STARD8: variants seen among roughly 807,000 people sequenced by gnomAD.
STARD8 encodes the protein StAR related lipid transfer domain containing 8.
Under a neutral mutation model 69.4 loss-of-function variants are expected in STARD8, and 25 were observed. That is an observed-to-expected ratio of 0.36 (90% confidence interval 0.26 to 0.50). The LOEUF is 0.50. Among genes scored for constraint, STARD8 ranks in the 20% least tolerant of loss-of-function variants. The probability of loss-of-function intolerance (pLI) is 0.96; values close to 1 mark genes in which losing one functional copy is unlikely to be tolerated. For synonymous variants in STARD8, 389 were observed against 374.6 expected (o/e 1.04, Z -0.45); for missense variants, 921 against 932.5 (o/e 0.99, Z 0.16).
intron 2 of STARD8, among the ~76,000 whole-genome samples, chrX:68,704,678 T>C (rs1388412556): frequency 9.0e-6 from 1 of 111,478 alleles, no homozygotes; most frequent in Non-Finnish European, 1.9e-5. Context: ...CAGGAACATA[T>C]AGAGAGCTGG....
rs766228500 is a variant in STARD8 at position 68,717,484 on chromosome X, C to T, written c.570C>T (p.Thr190=). The change falls in exon 6 of 15, where the codon ACC becomes ACT. Residue 190 remains threonine (T), a synonymous_variant. Coordinates refer to ENST00000374599, the MANE Select transcript of STARD8 (RefSeq NM_001142503.3). ...SSSDRPLLSP[T]QGQEGPQDKA... ...GTGACCGGCCCCTCCTCAGCCCCAC[C>T]CAGGGCCAGGAGGGTCCCCAGGACA... 2.5e-6 allele frequency: 3 copies of T among 1,208,727 alleles called. No individual in the cohort carries two copies. In the East Asian group the frequency reaches 8.9e-5, roughly 36 times the overall value.
At chrX:68,653,052 AC>A (rs2079569865) in intron 1 of STARD8, among the ~76,000 whole-genome samples, 1 of 20,677 alleles carries the variant, frequency 4.8e-5, no homozygotes, top group African/African-American at 2.0e-4. Flanking sequence ...CACATCACAC[AC>A]CACACACACC....
rs1029675849 is a variant in STARD8 at position 68,723,597 on chromosome X, G to A, written c.2800-29G>A. ...TCAGAGTTCTCCAGCCCTGACAGCT[G>A]CCCCCATCCCCACTCCTGTGGCTCA... On this transcript the variant is annotated intron_variant, in intron 12 of 14. Transcript: ENST00000374599. The A allele has an allele frequency of 3.5e-6, 4 of 1,139,737 alleles. No individual in the cohort carries two copies. The African/African-American group carries it at 5.4e-5, about 15-fold the overall frequency. The allele number at this position is 1,139,737 out of a possible 1,213,427, so 93.9% of individuals were successfully genotyped here. A position where few individuals can be genotyped will look rare whatever the true frequency, so the allele number is the denominator to read the frequency against.
chrX:68,718,699 C>T, intron 6 of STARD8, 70 bp downstream of exon 6: 1 of 1,111,496 alleles, frequency 9.0e-7, no homozygotes. Flanking sequence ...AAGCTGATTT[C>T]TCAGTCATGA....
At chrX:68,693,945 G>C (rs979129804) in intron 2 of STARD8, 3 of 535,871 alleles carry the variant, frequency 5.6e-6, no homozygotes, top group Non-Finnish European at 6.8e-6. Flanking sequence ...CGGTTCCGCC[G>C]GGCGGCGTAC....
At chrX:68,691,969 T>C (rs7884842) in intron 2 of STARD8, among the ~76,000 whole-genome samples, 9,915 of 112,325 alleles carry the variant, frequency 0.088, 1,021 homozygotes, top group African/African-American at 0.3. Flanking sequence ...GTGCTTGGTT[T>C]CCTGGAGTGG....
chrX:68,712,854 G>C (rs1236097660), intron 2 of STARD8, 60 bp from the exon 3 acceptor site: 23 of 1,097,461 alleles, frequency 2.1e-5, no homozygotes, highest in Non-Finnish European at 2.3e-5. Flanking sequence ...CTAGGGCCCT[G>C]GTGTCAGCAC....
chrX:68,718,315 G>A lies in STARD8; in HGVS notation c.1401G>A (p.Pro467=), dbSNP rs138839487. The change falls in exon 6 of 15, where the codon CCG becomes CCA. Residue 467 remains proline, a synonymous_variant. Transcript: ENST00000374599. ...AAGTCCAGCCAGCAGTCCTGGCTCC[G>A]GCTCAGGCTCCAGCTGAGGCTGAAC... ...QAEVQPAVLA[P]AQAPAEAEPV... The A allele has an allele frequency of 7.6e-4, 921 of 1,208,701 alleles. 11 individuals carry two copies. The African/African-American group carries it at 0.014, about 19-fold the overall frequency.
chrX:68,651,497 G>A (rs1327952747), intron 1 of STARD8, among the ~76,000 whole-genome samples: 1 of 112,353 alleles, frequency 8.9e-6, no homozygotes, highest in African/African-American at 3.2e-5. Flanking sequence ...CCCTCTCTGA[G>A]CCAGGCCCCC....
chrX:68,673,657 T>G (rs988231314), intron 2 of STARD8, among the ~76,000 whole-genome samples: 3 of 112,281 alleles, frequency 2.7e-5, no homozygotes, highest in African/African-American at 9.7e-5. Flanking sequence ...GGTAAAAGTG[T>G]GGATCATTTT....
At chrX:68,693,393 C>T (rs751306088) in intron 2 of STARD8, among the ~76,000 whole-genome samples, 2 of 112,909 alleles carry the variant, frequency 1.8e-5, no homozygotes, top group East Asian at 2.8e-4. Context: ...TAAATATTAG[C>T]CTGTGTGCCT....
intron 1 of STARD8, among the ~76,000 whole-genome samples, chrX:68,664,378 A>C (rs1187777176): frequency 1.8e-5 from 2 of 112,217 alleles, no homozygotes; most frequent in East Asian, 5.6e-4. Context: ...CCCAGCAGCC[A>C]GAGTGACCTT....
chrX:68,652,187 A>G (rs1283935605), intron 1 of STARD8, among the ~76,000 whole-genome samples: 1 of 110,970 alleles, frequency 9.0e-6, no homozygotes, highest in Non-Finnish European at 1.9e-5. Flanking sequence ...CCTGACATGG[A>G]GTAGGTGGTC....
Position 68,723,796 on chromosome X carries a change from C to T in STARD8, c.2970C>T (p.Val990=). The change falls in exon 13 of 15, where the codon GTC becomes GTT. Residue 990 remains valine (V), a synonymous_variant. Coordinates refer to ENST00000374599, the MANE Select transcript of STARD8 (RefSeq NM_001142503.3). ...LMPGVELYHY[V]TDSMAPHPCR... ...CGGGTGTGGAGCTGTACCACTATGT[C>T]ACCGACAGCATGGCACCCCATCCCT... 8.5e-7 allele frequency: 1 copy of T among 1,181,239 alleles called. No homozygotes were observed. Among genetic ancestry groups the T allele is most frequent in the Non-Finnish European group, 1.1e-6 (1 of 880,186 alleles).
rs529539617 is a variant in STARD8 at position 68,682,634 on chromosome X, T to C, written c.79+17102T>C. Reference sequence around the variant, plus strand: ...ATCTGTAAAATGGGATAATAGTACCTACAGGGTTTCTGTAAGGACTTTATG... The same window carrying C: ...ATCTGTAAAATGGGATAATAGTACCCACAGGGTTTCTGTAAGGACTTTATG... On this transcript the variant is annotated intron_variant, in intron 2 of 14. Coordinates refer to ENST00000374599, the MANE Select transcript of STARD8 (RefSeq NM_001142503.3). 3.1e-4 allele frequency among the ~76,000 whole-genome samples: 35 copies of C among 112,840 alleles called. No homozygotes were observed. In the South Asian group the frequency reaches 3.7e-3, roughly 12 times the overall value.
intron 2 of STARD8, among the ~76,000 whole-genome samples, chrX:68,683,890 A>G (rs1228192085): frequency 1.8e-5 from 2 of 111,920 alleles, no homozygotes; most frequent in Non-Finnish European, 3.8e-5. Flanking sequence ...ACCGTTATAT[A>G]TGGGTGAAGA....
At chrX:68,711,810 A>C (rs2080053292) in intron 2 of STARD8, among the ~76,000 whole-genome samples, 1 of 111,989 alleles carries the variant, frequency 8.9e-6, no homozygotes, top group African/African-American at 3.2e-5. Context: ...GCCAGGCGAG[A>C]CTGTGGCCAC....
chrX:68,677,680 C>T (rs1024726133), intron 2 of STARD8, among the ~76,000 whole-genome samples: 40 of 111,635 alleles, frequency 3.6e-4, no homozygotes, highest in African/African-American at 1.3e-3. Flanking sequence ...AATGCTGCTC[C>T]TCCACCAAGT....
rs767009654 is a variant in STARD8, at chrX:68,693,493, T to C, written c.80-19421T>C. ...GGAGGGAAAGGCAGCGGCGAGGGCC[T>C]TGGAGGACCTGCAGGCAGTGCCCCG... On this transcript the variant is annotated intron_variant, in intron 2 of 14. Transcript: ENST00000374599. The C allele has an allele frequency of 1.9e-3, 499 of 259,515 alleles. 2 individuals are homozygous for C. Among genetic ancestry groups the C allele is most frequent in the African/African-American group, 0.014 (469 of 33,966 alleles). 21.4% of individuals were successfully genotyped at this position (259,515 alleles called of 1,213,427 possible).
Sources: allele counts gnomAD v4.1 joint callset (sites outside exome capture counted in the v4.1 genomes callset), GRCh38; gene constraint gnomAD v4.1.1; transcripts MANE v1.5; gene names NCBI Gene and HGNC (gene_info 2026-07-23, HGNC 2026-07-21).